The following TMC3 variants were observed in gnomAD, a reference collection of about 807,000 sequenced individuals.
TMC3 encodes transmembrane channel like 3, also known as transmembrane channel-like protein 3.
TMC3 carries 98 observed loss-of-function variants against 110.6 expected under a neutral mutation model. The observed-to-expected ratio is 0.89, with a 90% CI of 0.75 to 1.05. The LOEUF is 1.05. Ranked by LOEUF, TMC3 falls within the 50% of genes least tolerant of loss-of-function variation. TMC3 has a pLI of 0.00. For missense variants in TMC3, 1,319 were observed against 1,373.2 expected (o/e 0.96, Z 0.62); for synonymous variants, 489 against 513.1 (o/e 0.95, Z 0.63).
chr15:81,347,592 A>G (rs1291625863), intron 11 of TMC3, among the ~76,000 whole-genome samples: 1 of 152,238 alleles, frequency 6.6e-6, no homozygotes, highest in African/African-American at 2.4e-5. Flanking sequence ...TCTTGGCATT[A>G]CCATCACTCT....
At position 81,358,438 on chromosome 15, in the gene TMC3, C is replaced by T. The variant is rs745545901; in HGVS notation, c.564G>A (p.Ser188=). ...AGACGGTGTCCAGGTCTTGGGCAGA[C>T]GAAACCTGCTCCTTGGGGATGGTCT... The part of the protein sequence containing the change: ...ARKTIPKEQV[S]SAQDLDTVWS... The change falls in exon 6 of 22, where the codon TCG becomes TCA. Residue 188 remains serine (S), a synonymous_variant. Transcript: ENST00000359440. 1.2e-5 allele frequency: 19 copies of T among 1,613,754 alleles called. No homozygotes were observed. The highest frequency in any genetic ancestry group is 5.3e-5 in the African/African-American group (4 of 74,908).
intron 14 of TMC3, 93 bp from the exon 15 acceptor site, chr15:81,343,438 C>T (rs1466402446): frequency 2.5e-6 from 2 of 796,654 alleles, no homozygotes; most frequent in Non-Finnish European, 4.4e-6. Flanking sequence ...CTTCTTTGCT[C>T]TTATGAACAC....
At chr15:81,365,680 AAAAAAGAAAAAG>A (rs1188326085) in intron 3 of TMC3, among the ~76,000 whole-genome samples, 1 of 136,288 alleles carries the variant, frequency 7.3e-6, no homozygotes, top group African/African-American at 3.4e-5. Context: ...CAAAAAAAAA[AAAAAAGAAAAAG>A]AAAAAAAAGA....
At chr15:81,344,285 C>T (rs1004558514) in intron 13 of TMC3, among the ~76,000 whole-genome samples, 4 of 152,208 alleles carry the variant, frequency 2.6e-5, no homozygotes, top group Admixed American at 6.5e-5. Flanking sequence ...CTGAGGCCAG[C>T]ATCACATGAA....
chr15:81,361,031 CT>C (rs1298012736), intron 4 of TMC3, among the ~76,000 whole-genome samples: 23 of 146,920 alleles, frequency 1.6e-4, no homozygotes, highest in African/African-American at 5.6e-4. Flanking sequence ...ATTTTGAAGA[CT>C]TTTGGTACAT....
chr15:81,338,123 C>G (rs1893637048), intron 18 of TMC3, among the ~76,000 whole-genome samples, 199 bp from the exon 19 acceptor site: 2 of 152,176 alleles, frequency 1.3e-5, no homozygotes, highest in South Asian at 4.1e-4. Flanking sequence ...CTTTTGTTTT[C>G]TCTTCCTGGC....
chr15:81,348,612 C>A lies in TMC3; in HGVS notation c.1193+846G>T, dbSNP rs1368678386. ...CTGTCACAGCCACTGACTGTCCTGG[C>A]AAAGCTTCCAGGCATATCTACAAGG... On this transcript the variant is annotated intron_variant, in intron 11 of 21. Coordinates refer to ENST00000359440, the MANE Select transcript of TMC3 (RefSeq NM_001080532.3). Among the ~76,000 whole-genome samples the A allele has an allele frequency of 4.6e-5, 7 of 152,312 alleles. No individual in the cohort carries two copies. The East Asian group carries it at 1.4e-3, about 29-fold the overall frequency.
chr15:81,343,785 C>T (rs1893763194), intron 14 of TMC3, 132 bp downstream of exon 14: 2 of 962,018 alleles, frequency 2.1e-6, no homozygotes, highest in Non-Finnish European at 1.5e-6. Flanking sequence ...GCTTTCTGCA[C>T]CCATCTCTTC....
chr15:81,373,591 CT>C (rs1418781382), intron 1 of TMC3, among the ~76,000 whole-genome samples: 1 of 152,218 alleles, frequency 6.6e-6, no homozygotes, highest in African/African-American at 2.4e-5. Context: ...GAATAGCACT[CT>C]CATCCACTTC....
At chr15:81,365,688 A>G (rs28716810) in intron 3 of TMC3, among the ~76,000 whole-genome samples, 5 of 111,744 alleles carry the variant, frequency 4.5e-5, no homozygotes, top group African/African-American at 1.9e-4. Context: ...AAAAAAAAGA[A>G]AAAGAAAAAA....
At position 81,358,375 on chromosome 15, in the gene TMC3, A is replaced by G. The variant is rs201461539; in HGVS notation, c.600+27T>C. The G allele has an allele frequency of 1.0e-5, 16 of 1,607,560 alleles. No homozygotes were observed. In the Admixed American group the frequency reaches 1.7e-4, roughly 17 times the overall value. On this transcript the variant is annotated intron_variant, in intron 6 of 21. Coordinates refer to ENST00000359440, the MANE Select transcript of TMC3 (RefSeq NM_001080532.3). ...GCCCATTCACCCCTTCCCTCAAGAC[A>G]AGAGTGTGGCCAAGCATCAATCTCA...
chr15:81,364,508 AATATCACACTCTGG>A (rs1200286793), intron 3 of TMC3, among the ~76,000 whole-genome samples: 4 of 139,738 alleles, frequency 2.9e-5, no homozygotes, highest in Non-Finnish European at 6.1e-5. Context: ...CAGGAAGGGG[AATATCACACTCTGG>A]GGACTGTGGT....
chr15:81,370,803 T>C (rs1412380650), intron 2 of TMC3, among the ~76,000 whole-genome samples: 1 of 151,492 alleles, frequency 6.6e-6, no homozygotes, highest in African/African-American at 2.4e-5. Flanking sequence ...GCCTCCCGAA[T>C]AGCTGGGACT....
intron 8 of TMC3, 71 bp from the exon 9 acceptor site, chr15:81,355,839 A>G: frequency 9.2e-7 from 1 of 1,085,290 alleles, no homozygotes; most frequent in Non-Finnish European, 1.4e-6. Context: ...GAAATAATTT[A>G]CCCAGTAATT....
intron 10 of TMC3, among the ~76,000 whole-genome samples, chr15:81,350,883 A>C (rs1473604207): frequency 6.6e-6 from 1 of 152,222 alleles, no homozygotes; most frequent in Non-Finnish European, 1.5e-5. Context: ...GGGAATATTC[A>C]CACAACGGGG....
rs1893517343 is a variant in TMC3 at position 81,333,316 on chromosome 15, C to T, written c.2460-54G>A. On this transcript the variant is annotated intron_variant, in intron 21 of 21. Coordinates refer to ENST00000359440, the MANE Select transcript of TMC3 (RefSeq NM_001080532.3). ...TGGCCTTGGTGGTCTCAGAGCCCCA[C>T]ACCTGAGGACTGTGAGCTGTGAGCA... is the stretch of plus-strand genomic sequence containing the variant. 2.6e-6 allele frequency: 4 copies of T among 1,545,736 alleles called. No homozygotes were observed. The Admixed American group carries it at 5.9e-5, about 23-fold the overall frequency.
Position 81,343,029 on chromosome 15 carries a change from T to C in TMC3, c.1715+249A>G, listed in dbSNP as rs192366484. 132 of 440,750 alleles carry C rather than the reference T, an allele frequency of 3.0e-4. No individual in the cohort carries two copies. In the East Asian group the frequency reaches 4.1e-3, roughly 14 times the overall value. The allele number at this position is 440,750 out of a possible 1,614,324, so 27.3% of individuals were successfully genotyped here. Reference sequence around the variant, plus strand: ...CCTAAGAGTGTATTCTACTGGTTTCTGTGCAGATTTTTTTCGGCTGCGACC... The same window carrying C: ...CCTAAGAGTGTATTCTACTGGTTTCCGTGCAGATTTTTTTCGGCTGCGACC... On this transcript the variant is annotated intron_variant, in intron 15 of 21. Transcript: ENST00000359440.
intron 19 of TMC3, among the ~76,000 whole-genome samples, chr15:81,337,400 C>T (rs747835485): frequency 1.3e-5 from 2 of 152,068 alleles, no homozygotes; most frequent in African/African-American, 2.4e-5. Context: ...ATGGAGAGAA[C>T]GTAATGACAG....
Position 81,341,474 on chromosome 15 carries a change from A to G in TMC3, c.1760T>C (p.Leu587Pro), listed in dbSNP as rs1318178136. Reference sequence around the variant, plus strand: ...CAGGTACATGAGCCCAATGAGTTTGAGAACGTTGAACGCTGGGAGACATGG... The same window carrying G: ...CAGGTACATGAGCCCAATGAGTTTGGGAACGTTGAACGCTGGGAGACATGG... ...FSPCLPAFNV[L>P]KLIGLMYLRS... The change falls in exon 16 of 22, where the codon CTC becomes CCC. Residue 587 changes from leucine (L) to proline (P), a missense_variant. By Grantham distance (98) the Leu-to-Pro change is moderately conservative (BLOSUM62 -3). Coordinates refer to ENST00000359440, the MANE Select transcript of TMC3 (RefSeq NM_001080532.3). 1 of 1,611,542 alleles carries G rather than the reference A, an allele frequency of 6.2e-7. No individual in the cohort carries two copies. Among genetic ancestry groups the G allele is most frequent in the Non-Finnish European group, 8.5e-7 (1 of 1,178,778 alleles).
Sources: allele counts gnomAD v4.1 joint callset (sites outside exome capture counted in the v4.1 genomes callset), GRCh38; gene constraint gnomAD v4.1.1; transcripts MANE v1.5; gene names NCBI Gene and HGNC (gene_info 2026-07-23, HGNC 2026-07-21).